LRRC37A2: variants seen among roughly 807,000 people sequenced by gnomAD.
The protein encoded by LRRC37A2 is leucine-rich repeat-containing protein 37A2.
Under a neutral mutation model 68.8 loss-of-function variants are expected in LRRC37A2, and 9 were observed. The observed-to-expected ratio is 0.13, with a 90% CI of 0.08 to 0.23. The LOEUF is 0.23. LRRC37A2 is among the 10% of genes least tolerant of loss of function. LRRC37A2 has a pLI of 1.00. For synonymous variants in LRRC37A2, 63 were observed against 367.6 expected, an observed-to-expected ratio of 0.17 and a Z score of 9.48; for missense variants, 168 against 950.4, an observed-to-expected ratio of 0.18 and a Z score of 10.82.
At chr17:47,026,722 A>G in the LRRC37A2 span, among the ~76,000 whole-genome samples, 1 of 152,328 alleles carries the variant, frequency 6.6e-6, no homozygotes, top group South Asian at 2.1e-4. Flanking sequence ...AAAACCAAAA[A>G]TGAATTTCTA....
At chr17:46,940,224 G>A in the LRRC37A2 span, 55 of 1,418,908 alleles carry the variant, frequency 3.9e-5, no homozygotes, top group Middle Eastern at 1.0e-3. Context: ...TAGATTAACT[G>A]AGTTTCCTGG....
chr17:46,980,969 TATC>T, the LRRC37A2 span, among the ~76,000 whole-genome samples: 1 of 152,208 alleles, frequency 6.6e-6, no homozygotes, highest in African/African-American at 2.4e-5. Context: ...CCAACATTGT[TATC>T]ATTATTTTAA....
intron 9 of LRRC37A2, chr17:46,547,714 G>A: frequency 0.22 from 74 of 342 alleles, no homozygotes; most frequent in Non-Finnish European, 0.23. Context: ...TTTCCATGTC[G>A]CATCTTCTGT....
the LRRC37A2 span, among the ~76,000 whole-genome samples, chr17:46,744,872 A>G: frequency 1.3e-5 from 2 of 152,220 alleles, no homozygotes; most frequent in Admixed American, 1.3e-4. Context: ...TATGGTACTA[A>G]GAATTAGTTA....
At chr17:46,904,808 G>A in the LRRC37A2 span, among the ~76,000 whole-genome samples, 1 of 152,174 alleles carries the variant, frequency 6.6e-6, no homozygotes, top group Admixed American at 6.5e-5. Context: ...GAGATGACAG[G>A]AAACTTTCCC....
the LRRC37A2 span, among the ~76,000 whole-genome samples, chr17:46,912,905 G>A: frequency 6.6e-6 from 1 of 152,312 alleles, no homozygotes; most frequent in African/African-American, 2.4e-5. Flanking sequence ...TATGACAGCA[G>A]CCTGGTCCTA....
At chr17:46,791,946 G>A in the LRRC37A2 span, among the ~76,000 whole-genome samples, 131,573 of 152,214 alleles carry the variant, frequency 0.86, 57,134 homozygotes, top group East Asian at 1. Flanking sequence ...AGACTGAGGC[G>A]GGAGGATCGC....
chr17:46,870,079 T>C, the LRRC37A2 span, among the ~76,000 whole-genome samples: 1 of 152,234 alleles, frequency 6.6e-6, no homozygotes, highest in Non-Finnish European at 1.5e-5. Context: ...GCTATTATTC[T>C]TAAAATGGCA....
At chr17:46,499,334 AAG>A in the LRRC37A2 span, among the ~76,000 whole-genome samples, 26 of 95,838 alleles carry the variant, frequency 2.7e-4, no homozygotes, top group African/African-American at 9.9e-4. Flanking sequence ...AAAAAAAAAA[AAG>A]GTGGGGGGAC....
the LRRC37A2 span, among the ~76,000 whole-genome samples, chr17:46,490,651 G>T: frequency 6.7e-6 from 1 of 149,298 alleles, no homozygotes; most frequent in Admixed American, 6.6e-5. Flanking sequence ...TTAAACTCAG[G>T]AGGCGGAGGT....
the LRRC37A2 span, among the ~76,000 whole-genome samples, chr17:46,708,487 T>C: frequency 9.6e-4 from 144 of 149,382 alleles, no homozygotes; most frequent in Admixed American, 2.4e-3. Flanking sequence ...ATTTGTTACA[T>C]ATCCTTTTTT....
chr17:46,833,250 G>A, the LRRC37A2 span: 3 of 442,366 alleles, frequency 6.8e-6, no homozygotes, highest in Admixed American at 2.4e-5. Flanking sequence ...GAGCCCTGAC[G>A]CTTCAGCTGA....
chr17:46,828,854 C>T, the LRRC37A2 span, among the ~76,000 whole-genome samples: 11 of 151,402 alleles, frequency 7.3e-5, no homozygotes, highest in Admixed American at 7.2e-4. Context: ...CCCAGCTACT[C>T]AGGAGGCTGA....
the LRRC37A2 span, among the ~76,000 whole-genome samples, chr17:46,887,765 A>AAAAG: frequency 0.28 from 42,579 of 150,686 alleles, 6,039 homozygotes; most frequent in Admixed American, 0.33. Context: ...CTCCCTGTCC[A>AAAAG]AAAGAAAGAA....
At chr17:46,985,819 T>G in the LRRC37A2 span, among the ~76,000 whole-genome samples, 3 of 152,220 alleles carry the variant, frequency 2.0e-5, no homozygotes, top group Non-Finnish European at 4.4e-5. Context: ...AAAGCTTTAT[T>G]TACAAGAACA....
chr17:46,883,474 G>A, the LRRC37A2 span, among the ~76,000 whole-genome samples: 3 of 151,444 alleles, frequency 2.0e-5, no homozygotes, highest in East Asian at 3.9e-4. Flanking sequence ...TAGTAGAGAC[G>A]GGGTTTCACC....
chr17:46,479,980 T>C, the LRRC37A2 span, among the ~76,000 whole-genome samples: 2 of 100,580 alleles, frequency 2.0e-5, no homozygotes, highest in African/African-American at 3.6e-5. Context: ...TCAGGGACTA[T>C]GTTTTTATTC....
At chr17:46,409,374 G>A in the LRRC37A2 span, among the ~76,000 whole-genome samples, 1 of 147,610 alleles carries the variant, frequency 6.8e-6, no homozygotes, top group Non-Finnish European at 1.5e-5. Flanking sequence ...ATGGCTCCTG[G>A]TCTCAAGCAA....
chr17:46,874,262 C>T, the LRRC37A2 span, among the ~76,000 whole-genome samples: 7 of 152,162 alleles, frequency 4.6e-5, no homozygotes, highest in Non-Finnish European at 7.4e-5. Flanking sequence ...CTCAAGGTCA[C>T]TGTATCATTG....
Sources: allele counts gnomAD v4.1 joint callset (sites outside exome capture counted in the v4.1 genomes callset), GRCh38; gene constraint gnomAD v4.1.1; transcripts MANE v1.5; gene names NCBI Gene and HGNC (gene_info 2026-07-23, HGNC 2026-07-21).